Variants in ZNF556 observed in about 807,000 individuals in gnomAD.
The protein encoded by ZNF556 is zinc finger protein 556.
Under a neutral mutation model 13.6 loss-of-function variants are expected in ZNF556, and 11 were observed. That is an observed-to-expected ratio of 0.81 (90% CI 0.51 to 1.33). ZNF556 has a LOEUF of 1.33. Among genes scored for constraint, ZNF556 ranks in the 40% most tolerant of loss-of-function variants. The pLI is 0.00. For synonymous variants in ZNF556, 229 were observed against 207.8 expected, an observed-to-expected ratio of 1.10 and a Z score of -0.88; for missense variants, 633 against 566.2, an observed-to-expected ratio of 1.12 and a Z score of -1.20.
Position 2,877,542 on chromosome 19 carries a change from A to C in ZNF556, c.584A>C (p.Lys195Thr), listed in dbSNP as rs1017241674. 3.7e-6 allele frequency: 6 copies of C among 1,614,038 alleles called. No individual in the cohort carries two copies. Among genetic ancestry groups the C allele is most frequent in the African/African-American group, 1.3e-5 (1 of 74,914 alleles). ...CCTTCCTACCTACAGACGCATGAGAAAACTCACAGTGGAGAGAAACCCTAT... is the reference window on the plus strand; with the variant it reads ...CCTTCCTACCTACAGACGCATGAGACAACTCACAGTGGAGAGAAACCCTAT... ...SRPSYLQTHE[K>T]THSGEKPYAC... The change falls in exon 4 of 4, where the codon AAA (lysine) becomes ACA (threonine). Residue 195 changes from lysine to threonine, a missense_variant. By Grantham distance (78) the Lys-to-Thr change is moderately conservative. Coordinates refer to ENST00000307635, the MANE Select transcript of ZNF556 (RefSeq NM_024967.3).
At chr19:2,875,881 T>A (rs2087847037) in intron 2 of ZNF556, among the ~76,000 whole-genome samples, 1 of 152,008 alleles carries the variant, frequency 6.6e-6, no homozygotes, top group Admixed American at 6.6e-5. Context: ...GGAGAATCGC[T>A]TGAACCCGGG....
intron 3 of ZNF556, 86 bp from the exon 4 acceptor site, chr19:2,877,187 G>C: frequency 8.6e-7 from 1 of 1,163,612 alleles, no homozygotes; most frequent in Non-Finnish European, 1.2e-6. Flanking sequence ...TCCAGCCTGG[G>C]GAACAAGAGC....
intron 1 of ZNF556, 136 bp downstream of exon 1, chr19:2,867,560 T>A: frequency 7.8e-7 from 1 of 1,276,118 alleles, no homozygotes; most frequent in Non-Finnish European, 1.1e-6. Context: ...CACCCCCGGG[T>A]CCTGCGGGGA....
rs932382354 is a variant in ZNF556 at position 2,883,304 on chromosome 19, G to A, written c.*4975G>A. 1 of 152,092 alleles carries A rather than the reference G, an allele frequency of 6.6e-6. No individual in the cohort carries two copies. The highest frequency in any genetic ancestry group is 2.4e-5 in the African/African-American group (1 of 41,408). 9.4% of individuals were successfully genotyped at this position (152,092 alleles called of 1,614,324 possible). On this transcript the variant is annotated 3_prime_UTR_variant, in exon 4 of 4. Transcript: ENST00000307635. ...TTTAATTAAAAAATAATTTTTAAGT[G>A]TAAACCTTTAATGATCCACAAAGCC...
chr19:2,876,670 G>A (rs539893317), intron 3 of ZNF556, among the ~76,000 whole-genome samples: 6 of 151,648 alleles, frequency 4.0e-5, no homozygotes, highest in Non-Finnish European at 7.4e-5. Flanking sequence ...AGCCAAGATC[G>A]TGCCACTGCA....
rs776915491 is a variant in ZNF556, at chr19:2,877,872, A to T, written c.914A>T (p.His305Leu). 8 of 1,614,206 alleles carry T rather than the reference A, an allele frequency of 5.0e-6. No homozygotes were observed. In the Admixed American group the frequency reaches 1.3e-4, roughly 27 times the overall value. ...TGCTGGGCAACATCCTTTCAACGAC[A>T]CGTGAGAATTCACAACGGGGAGAAA... ...AYCWATSFQR[H>L]VRIHNGEKPY... The change falls in exon 4 of 4, where the codon CAC becomes CTC. Residue 305 changes from histidine (H) to leucine (L), a missense_variant. Transcript: ENST00000307635.
rs553935675 is a variant in ZNF556, at chr19:2,871,755, CAA to C, written c.4-1739_4-1738del. On this transcript the variant is annotated intron_variant, in intron 1 of 3. Transcript: ENST00000307635. Reference sequence around the variant, plus strand: ...AGAGCGTAGAAATAAAGACACAAGACAAAGAGATAAAAGACAGCTGGGCCCGG... The same window carrying C: ...AGAGCGTAGAAATAAAGACACAAGACAGAGATAAAAGACAGCTGGGCCCGG... Among the ~76,000 whole-genome samples the C allele has an allele frequency of 1.4e-4, 22 of 152,326 alleles. No individual in the cohort carries two copies. The South Asian group carries it at 3.3e-3, about 23-fold the overall frequency.
In ZNF556 at chr19:2,878,483, T is replaced by C; in HGVS notation, c.*154T>C. ...CAGGAGATCAAGACCATCCTGGCTA[T>C]GGTGAAACCCCGTCTCTACTAAAAA... On this transcript the variant is annotated 3_prime_UTR_variant, in exon 4 of 4. Transcript: ENST00000307635. 2.9e-6 allele frequency: 2 copies of C among 678,012 alleles called. No homozygotes were observed. The highest frequency in any genetic ancestry group is 4.8e-6 in the Non-Finnish European group (2 of 414,138). 42.0% of individuals were successfully genotyped at this position (678,012 alleles called of 1,614,324 possible).
At chr19:2,868,843 C>T (rs972529948) in intron 1 of ZNF556, among the ~76,000 whole-genome samples, 2 of 151,824 alleles carry the variant, frequency 1.3e-5, no homozygotes, top group East Asian at 1.9e-4. Flanking sequence ...CTCAGCCTCC[C>T]GAATAGCTGG....
intron 2 of ZNF556, 55 bp downstream of exon 2, chr19:2,873,677 G>A (rs1428761027): frequency 6.3e-7 from 1 of 1,578,496 alleles, no homozygotes; most frequent in East Asian, 2.3e-5. Flanking sequence ...GTTTTGTCTG[G>A]TTGCAGTGGT....
intron 1 of ZNF556, 40 bp downstream of exon 1, chr19:2,867,464 G>T (rs750448226): frequency 1.3e-6 from 2 of 1,573,614 alleles, no homozygotes; most frequent in East Asian, 2.3e-5. Context: ...CCGGAGCCCT[G>T]GGAGGGGAGG....
Position 2,877,757 on chromosome 19 carries a change from G to C in ZNF556, c.799G>C (p.Ala267Pro), listed in dbSNP as rs545724003. The C allele has an allele frequency of 4.3e-6, 7 of 1,613,520 alleles. No homozygotes were observed. The African/African-American group carries it at 5.3e-5, about 12-fold the overall frequency. ...RPYECKHCGK[A>P]FRCQKSFRVH... ...GTATGAGTGCAAGCACTGTGGGAAA[G>C]CCTTCAGGTGTCAGAAATCCTTTCG... Residue 267 changes from alanine (A) to proline (P), a missense_variant, in exon 4 of 4, where the codon GCC (alanine) becomes CCC (proline). Ala to Pro is a conservative substitution (Grantham distance 27). Transcript: ENST00000307635.
chr19:2,869,453 G>T (rs191476699), intron 1 of ZNF556, among the ~76,000 whole-genome samples: 1 of 152,100 alleles, frequency 6.6e-6, no homozygotes, highest in Non-Finnish European at 1.5e-5. Context: ...TGCAAGCTCC[G>T]CCTCCCGGGT....
In ZNF556 at chr19:2,878,045, T is replaced by A. The variant is rs1351934287; in HGVS notation, c.1087T>A (p.Ser363Thr). 2.5e-6 allele frequency: 4 copies of A among 1,613,880 alleles called. No individual in the cohort carries two copies. Among genetic ancestry groups the A allele is most frequent in the African/African-American group, 2.7e-5 (2 of 74,864 alleles). The change falls in exon 4 of 4, where the codon TCA becomes ACA. Residue 363 changes from serine to threonine, a missense_variant. By Grantham distance (58) the Ser-to-Thr change is moderately conservative. Coordinates refer to ENST00000307635, the MANE Select transcript of ZNF556 (RefSeq NM_024967.3). ...GCCTCGCCCCTCCACAGATGTCAAA[T>A]CACAAACTAGAGAGAAAGTCTATAA... ...ARPRPSTDVK[S>T]QTREKVYKCE... is the part of the protein sequence containing the mutation.
chr19:2,874,146 A>G (rs2087829451), intron 2 of ZNF556, among the ~76,000 whole-genome samples: 1 of 151,926 alleles, frequency 6.6e-6, no homozygotes, highest in South Asian at 2.1e-4. Context: ...AATCCCAGCT[A>G]CTCGGGAGGC....
At position 2,877,381 on chromosome 19, in the gene ZNF556, T is replaced by A. The variant is rs1341081748; in HGVS notation, c.423T>A (p.Cys141Ter). ...ATCGTCATCTGCGCAAGAATTGTTG[T>A]ACTAGTGTAAGACGGTACGAATGCA... ...NCNRHLRKNC[C>*]TSVRRYECSQ... Residue 141 changes from cysteine (C) to a stop codon, truncating the protein, a stop_gained, in exon 4 of 4, where the codon TGT (cysteine) becomes TGA (stop). Transcript: ENST00000307635. LOFTEE classifies it low-confidence loss of function (END_TRUNC). 1.2e-6 allele frequency: 2 copies of A among 1,614,178 alleles called. No homozygotes were observed. Among genetic ancestry groups the A allele is most frequent in the Non-Finnish European group, 1.7e-6 (2 of 1,180,040 alleles).
At chr19:2,874,743 C>CAAA (rs1165214161) in intron 2 of ZNF556, among the ~76,000 whole-genome samples, 2 of 65,182 alleles carry the variant, frequency 3.1e-5, no homozygotes, top group African/African-American at 1.1e-4. Context: ...GACTCTGTCT[C>CAAA]AAAAAAAAAA....
At chr19:2,872,964 C>G (rs1484004684) in intron 1 of ZNF556, among the ~76,000 whole-genome samples, 1 of 151,916 alleles carries the variant, frequency 6.6e-6, no homozygotes, top group African/African-American at 2.4e-5. Flanking sequence ...GAAACCCCAT[C>G]TCTACTAAAA....
rs2087779810 is a variant in ZNF556, at chr19:2,868,918, C to T, written c.3+1494C>T. Among the ~76,000 whole-genome samples the T allele has an allele frequency of 2.6e-5, 4 of 151,996 alleles. No individual in the cohort carries two copies. The South Asian group carries it at 8.3e-4, about 32-fold the overall frequency. Reference sequence around the variant, plus strand: ...ATTTTTAGTAGAGACGGGGTTCCACCATGTTGGCCAGGCTGGTCTCGAACT... The same window carrying T: ...ATTTTTAGTAGAGACGGGGTTCCACTATGTTGGCCAGGCTGGTCTCGAACT... On this transcript the variant is annotated intron_variant, in intron 1 of 3. Transcript: ENST00000307635.
Sources: allele counts gnomAD v4.1 joint callset (sites outside exome capture counted in the v4.1 genomes callset), GRCh38; gene constraint gnomAD v4.1.1; transcripts MANE v1.5; gene names NCBI Gene and HGNC (gene_info 2026-07-23, HGNC 2026-07-21).